Variants in PCDHA12 observed in about 807,000 individuals in gnomAD.
The protein encoded by PCDHA12 is protocadherin alpha-12.
PCDHA12 carries 44 observed loss-of-function variants against 60.0 expected under a neutral mutation model. That is an observed-to-expected ratio of 0.73 (90% confidence interval 0.58 to 0.94). The LOEUF (loss-of-function observed/expected upper bound fraction) is 0.94, where lower values mean the gene tolerates loss of function less well. Ranked by LOEUF, PCDHA12 falls within the 40% of genes least tolerant of loss-of-function variation. PCDHA12 has a pLI of 0.00. For missense variants in PCDHA12, 1,276 were observed against 1,239.7 expected, an observed-to-expected ratio of 1.03 and a Z score of -0.44; for synonymous variants, 569 against 553.0, an observed-to-expected ratio of 1.03 and a Z score of -0.40.
intron 1 of PCDHA12, among the ~76,000 whole-genome samples, chr5:140,901,807 C>T (rs1227752610): frequency 6.6e-6 from 1 of 152,116 alleles, no homozygotes; most frequent in Non-Finnish European, 1.5e-5. Context: ...AACATTTTTA[C>T]AATATTGATT....
At chr5:140,974,291 A>G (rs1417274006) in intron 1 of PCDHA12, among the ~76,000 whole-genome samples, 1 of 152,196 alleles carries the variant, frequency 6.6e-6, no homozygotes, top group Admixed American at 6.5e-5. Context: ...CTGGGCTCCA[A>G]GGAGGTACAA....
chr5:141,000,361 GTCTCTCTCTC>G lies in PCDHA12; in HGVS notation c.2516-9240_2516-9231del, dbSNP rs148596731. Reference sequence around the variant, plus strand: ...CCTATCTCTCTCTCTGTCTCTCTCTGTCTCTCTCTCTCTCTCTCTCTCTCTCTCTCTCTCT... The same window carrying G: ...CCTATCTCTCTCTCTGTCTCTCTCTGTCTCTCTCTCTCTCTCTCTCTCTCT... On this transcript the variant is annotated intron_variant, in intron 3 of 3. Transcript: ENST00000398631. 0.019 allele frequency among the ~76,000 whole-genome samples: 511 copies of G among 26,396 alleles called. 13 individuals carry two copies. In the Middle Eastern group the frequency reaches 0.2, roughly 10 times the overall value. The allele number at this position is 26,396 out of a possible 152,430, so 17.3% of individuals were successfully genotyped here.
At chr5:140,895,904 C>CG (rs2065248350) in intron 1 of PCDHA12, among the ~76,000 whole-genome samples, 2 of 152,138 alleles carry the variant, frequency 1.3e-5, no homozygotes, top group Non-Finnish European at 2.9e-5. Flanking sequence ...CTCCGCGTCC[C>CG]GGGCTCAACA....
chr5:140,984,550 A>C (rs1486017679), intron 3 of PCDHA12, among the ~76,000 whole-genome samples: 1 of 152,134 alleles, frequency 6.6e-6, no homozygotes, highest in Non-Finnish European at 1.5e-5. Flanking sequence ...GATAGAGCTT[A>C]CATCTTCCAA....
chr5:140,884,582 T>G, intron 1 of PCDHA12: 1 of 1,614,172 alleles, frequency 6.2e-7, no homozygotes, highest in South Asian at 1.1e-5. Flanking sequence ...CCTCATGGCC[T>G]TCAGTCCCAG....
chr5:140,936,326 A>G (rs2090913771), intron 1 of PCDHA12, among the ~76,000 whole-genome samples: 1 of 152,138 alleles, frequency 6.6e-6, no homozygotes, highest in South Asian at 2.1e-4. Flanking sequence ...CATGCTATAA[A>G]TTTTCTCTAT....
chr5:140,929,285 T>C, intron 1 of PCDHA12: 15 of 1,600,688 alleles, frequency 9.4e-6, no homozygotes, highest in Non-Finnish European at 1.3e-5. Flanking sequence ...TGTATTCAGA[T>C]TCGGAATAGG....
Position 140,876,332 on chromosome 5 carries a change from T to C in PCDHA12, c.860T>C (p.Val287Ala). The change falls in exon 1 of 4, where the codon GTG (valine) becomes GCG (alanine). Residue 287 changes from valine to alanine, a missense_variant. Val to Ala is a moderately conservative substitution (Grantham distance 64, BLOSUM62 0). Coordinates refer to ENST00000398631, the MANE Select transcript of PCDHA12 (RefSeq NM_018903.4). ...TATGGGATCAAAATGATTTTGCCAGTGAGTGAGAAATGTATGTTTTCAATA... is the reference window on the plus strand; with the variant it reads ...TATGGGATCAAAATGATTTTGCCAGCGAGTGAGAAATGTATGTTTTCAATA... Reference protein sequence around the residue: ...ISYGIKMILPVSEKCMFSINP... With the variant: ...ISYGIKMILPASEKCMFSINP... 6.2e-7 allele frequency: 1 copy of C among 1,613,990 alleles called. No homozygotes were observed. Among genetic ancestry groups the C allele is most frequent in the Non-Finnish European group, 8.5e-7 (1 of 1,179,896 alleles).
Position 140,936,624 on chromosome 5 carries a change from C to T in PCDHA12, c.2368-42325C>T, listed in dbSNP as rs186958884. On this transcript the variant is annotated intron_variant, in intron 1 of 3. Coordinates refer to ENST00000398631, the MANE Select transcript of PCDHA12 (RefSeq NM_018903.4). Reference sequence around the variant, plus strand: ...TCCTCGCTGCTACTGTGCAGTGCTACCTTTGTCATAAGCAACGTGACTTTA... The same window carrying T: ...TCCTCGCTGCTACTGTGCAGTGCTATCTTTGTCATAAGCAACGTGACTTTA... 2.3e-3 allele frequency among the ~76,000 whole-genome samples: 345 copies of T among 152,302 alleles called. 2 individuals are homozygous for T. Among genetic ancestry groups the T allele is most frequent in the South Asian group, 2.5e-3 (12 of 4,824 alleles).
At chr5:140,965,066 G>A (rs931765352) in intron 1 of PCDHA12, among the ~76,000 whole-genome samples, 3 of 152,164 alleles carry the variant, frequency 2.0e-5, no homozygotes, top group Non-Finnish European at 4.4e-5. Flanking sequence ...CAAATGTCAG[G>A]TCTCACTCTG....
chr5:140,900,227 G>C (rs1425549345), intron 1 of PCDHA12, among the ~76,000 whole-genome samples: 1 of 152,038 alleles, frequency 6.6e-6, no homozygotes, highest in Admixed American at 6.6e-5. Flanking sequence ...CAAATGACTG[G>C]ATCTTGTTTT....
chr5:140,999,091 T>G (rs1342614556), intron 3 of PCDHA12, among the ~76,000 whole-genome samples: 1 of 152,208 alleles, frequency 6.6e-6, no homozygotes, highest in South Asian at 2.1e-4. Flanking sequence ...TTCAGAGGGC[T>G]ATGGAGAGTA....
At chr5:141,003,160 C>T (rs1383713910) in intron 3 of PCDHA12, among the ~76,000 whole-genome samples, 3 of 152,200 alleles carry the variant, frequency 2.0e-5, no homozygotes. Context: ...CCTGATCAAT[C>T]CTAGTCCCTG....
At chr5:140,967,405 G>A in intron 1 of PCDHA12, 1 of 1,612,164 alleles carries the variant, frequency 6.2e-7, no homozygotes, top group Non-Finnish European at 8.5e-7. Context: ...TGCTGCGTAA[G>A]GGCCTAGACC....
chr5:141,000,103 G>T (rs551643743), intron 3 of PCDHA12, among the ~76,000 whole-genome samples: 2 of 152,068 alleles, frequency 1.3e-5, no homozygotes, highest in Non-Finnish European at 2.9e-5. Flanking sequence ...GCTCAACTCC[G>T]TCTCTTCCCT....
At chr5:141,007,933 A>T (rs1168610845) in intron 3 of PCDHA12, among the ~76,000 whole-genome samples, 1 of 152,212 alleles carries the variant, frequency 6.6e-6, no homozygotes, top group African/African-American at 2.4e-5. Context: ...TGGAATTCTA[A>T]GCCACCTTTT....
chr5:140,949,528 A>G (rs2094388709), intron 1 of PCDHA12, among the ~76,000 whole-genome samples: 1 of 151,854 alleles, frequency 6.6e-6, no homozygotes, highest in Non-Finnish European at 1.5e-5. Context: ...TTTTATCTTC[A>G]TAAAATATCG....
At chr5:140,893,608 T>C (rs2064082274) in intron 1 of PCDHA12, among the ~76,000 whole-genome samples, 1 of 152,256 alleles carries the variant, frequency 6.6e-6, no homozygotes, top group African/African-American at 2.4e-5. Flanking sequence ...TTCTCCTTCA[T>C]TTCTGAAGTA....
chr5:140,896,718 T>C (rs1331880145), intron 1 of PCDHA12, among the ~76,000 whole-genome samples: 1 of 152,138 alleles, frequency 6.6e-6, no homozygotes, highest in East Asian at 1.9e-4. Context: ...TTTTGCTTGT[T>C]AATTTGTTTA....
Sources: gnomAD v4.1 joint callset for allele counts (sites outside exome capture counted in the v4.1 genomes callset) on GRCh38, gnomAD v4.1.1 for gene constraint, MANE v1.5 for transcripts, NCBI Gene and HGNC (gene_info 2026-07-23, HGNC 2026-07-21) for gene names.